The following MSH3 variants were observed in gnomAD, a reference collection of about 807,000 sequenced individuals.
MSH3 encodes mutS homolog 3.
Under a neutral mutation model 123.3 loss-of-function variants are expected in MSH3, and 106 were observed. The ratio of observed to expected loss-of-function variants is 0.86; its 90% CI spans 0.73 to 1.01. The LOEUF (loss-of-function observed/expected upper bound fraction) is 1.01. Ranked by LOEUF, MSH3 falls within the 50% of genes least tolerant of loss-of-function variation. MSH3 has a pLI of 0.00. For missense variants in MSH3, 1,459 were observed against 1,347.6 expected (o/e 1.08, Z -1.29); for synonymous variants, 515 against 481.4 (o/e 1.07, Z -0.91).
chr5:80,763,348 TC>T (rs1487128505), intron 13 of MSH3, among the ~76,000 whole-genome samples: 4 of 152,204 alleles, frequency 2.6e-5, no homozygotes, highest in Admixed American at 2.6e-4. Flanking sequence ...GAAATACTGA[TC>T]CTGGGGAGAA....
chr5:80,859,714 T>G (rs4704685), intron 21 of MSH3, among the ~76,000 whole-genome samples: 1 of 146,120 alleles, frequency 6.8e-6, no homozygotes, highest in South Asian at 2.1e-4. Flanking sequence ...TTTTCTCTCT[T>G]TTTTTTTTTT....
At chr5:80,815,701 A>G (rs1745092590) in intron 20 of MSH3, among the ~76,000 whole-genome samples, 1 of 152,096 alleles carries the variant, frequency 6.6e-6, no homozygotes, top group Admixed American at 6.5e-5. Context: ...TTTTTTTAGG[A>G]CATAGTAGGT....
intron 12 of MSH3, 149 bp downstream of exon 12, chr5:80,744,764 T>C: frequency 2.9e-6 from 2 of 686,364 alleles, no homozygotes; most frequent in Non-Finnish European, 5.2e-6. Flanking sequence ...AGACTGGCTC[T>C]CTAGTATTAC....
At chr5:80,659,442 T>G (rs1323142617) in intron 2 of MSH3, among the ~76,000 whole-genome samples, 3 of 152,174 alleles carry the variant, frequency 2.0e-5, no homozygotes, top group African/African-American at 7.2e-5. Flanking sequence ...ACCACTAATC[T>G]ACTTTCTGTG....
intron 13 of MSH3, among the ~76,000 whole-genome samples, chr5:80,765,185 G>T (rs1467038980): frequency 6.6e-6 from 1 of 152,188 alleles, no homozygotes; most frequent in African/African-American, 2.4e-5. Flanking sequence ...TGCTTCTGTT[G>T]CTGACTTAAC....
chr5:80,681,090 G>T (rs547184892), intron 8 of MSH3, among the ~76,000 whole-genome samples: 1 of 152,140 alleles, frequency 6.6e-6, no homozygotes, highest in Non-Finnish European at 1.5e-5. Flanking sequence ...TAGTCTAGGA[G>T]GGTTCTTTGA....
At chr5:80,688,753 T>A (rs548390438) in intron 8 of MSH3, among the ~76,000 whole-genome samples, 23 of 151,774 alleles carry the variant, frequency 1.5e-4, no homozygotes, top group African/African-American at 5.5e-4. Flanking sequence ...AATTTTTTTT[T>A]TTTTAAAGAA....
intron 10 of MSH3, among the ~76,000 whole-genome samples, chr5:80,738,471 T>C (rs899052903): frequency 2.0e-5 from 3 of 152,104 alleles, no homozygotes; most frequent in African/African-American, 7.2e-5. Context: ...AACCCTGAGA[T>C]AATTGGTAGA....
chr5:80,862,832 G>T (rs965734670), intron 21 of MSH3, among the ~76,000 whole-genome samples: 3 of 152,214 alleles, frequency 2.0e-5, no homozygotes, highest in Non-Finnish European at 4.4e-5. Context: ...GGTGAGTGGG[G>T]AAAAGTGAAA....
chr5:80,764,432 G>GT (rs1326859554), intron 13 of MSH3, among the ~76,000 whole-genome samples: 1 of 151,706 alleles, frequency 6.6e-6, no homozygotes, highest in African/African-American at 2.4e-5. Context: ...CTGGAATGCA[G>GT]TGGTGCGACC....
chr5:80,757,965 G>A (rs546964465), intron 12 of MSH3, among the ~76,000 whole-genome samples: 4 of 152,122 alleles, frequency 2.6e-5, no homozygotes, highest in Non-Finnish European at 5.9e-5. Flanking sequence ...ATACCTAACC[G>A]CAGTGATGAG....
At chr5:80,744,473 AG>A (rs764315383) in intron 11 of MSH3, 32 bp from the exon 12 acceptor site, 268 of 1,442,896 alleles carry the variant, frequency 1.9e-4, no homozygotes, top group Non-Finnish European at 2.5e-4. Flanking sequence ...ATAATTGTCT[AG>A]TTAATAAAAC....
At chr5:80,864,015 C>T (rs1440098465) in intron 21 of MSH3, among the ~76,000 whole-genome samples, 1 of 152,124 alleles carries the variant, frequency 6.6e-6, no homozygotes, top group African/African-American at 2.4e-5. Flanking sequence ...GGATTTTTCT[C>T]ACAAGAGACT....
chr5:80,740,054 G>T (rs999675245), intron 10 of MSH3, among the ~76,000 whole-genome samples: 1 of 152,158 alleles, frequency 6.6e-6, no homozygotes, highest in Non-Finnish European at 1.5e-5. Flanking sequence ...TTAAAAATAA[G>T]CTCTCAAGCC....
Position 80,755,342 on chromosome 5 carries a change from G to A in MSH3, c.1764-6204G>A, listed in dbSNP as rs370117954. On this transcript the variant is annotated intron_variant, in intron 12 of 23. Transcript: ENST00000265081. ...CAGTGAGCTCTAGACCTGCACAAAC[G>A]ACCTGCAGCAAATGGCAGCTTTCAT... is the stretch of plus-strand genomic sequence containing the variant. Among the ~76,000 whole-genome samples, 35 of 152,240 alleles carry A rather than the reference G, an allele frequency of 2.3e-4. No individual in the cohort carries two copies. The South Asian group carries it at 5.4e-3, about 23-fold the overall frequency.
rs115484759 is a variant in MSH3, at chr5:80,771,147, G to T, written c.2253+2144G>T. ...TTGAAAAAAATAATTCTATTCATTG[G>T]AACACCAAAGGAATTCTAAATATTC... On this transcript the variant is annotated intron_variant, in intron 15 of 23. Coordinates refer to ENST00000265081, the MANE Select transcript of MSH3 (RefSeq NM_002439.5). 6.3e-3 allele frequency among the ~76,000 whole-genome samples: 954 copies of T among 151,986 alleles called. 8 individuals carry two copies. The highest frequency in any genetic ancestry group is 0.022 in the African/African-American group (919 of 41,460).
intron 13 of MSH3, among the ~76,000 whole-genome samples, chr5:80,762,043 C>A (rs916950719): frequency 6.6e-6 from 1 of 151,760 alleles, no homozygotes; most frequent in Non-Finnish European, 1.5e-5. Flanking sequence ...CTTAGAACAA[C>A]TTATTGTTTC....
intron 8 of MSH3, among the ~76,000 whole-genome samples, chr5:80,690,453 G>A (rs908893458): frequency 1.3e-5 from 2 of 151,902 alleles, no homozygotes; most frequent in African/African-American, 2.4e-5. Context: ...GATTACAGGC[G>A]CCCGCCACCA....
intron 8 of MSH3, chr5:80,715,187 C>G (rs1215780968): frequency 6.6e-6 from 1 of 152,216 alleles, no homozygotes; most frequent in Non-Finnish European, 1.5e-5. Flanking sequence ...AGTTCTGGAA[C>G]TTGTACTCAT....
Sources: allele counts gnomAD v4.1 joint callset (sites outside exome capture counted in the v4.1 genomes callset), GRCh38; gene constraint gnomAD v4.1.1; transcripts MANE v1.5; gene names NCBI Gene and HGNC (gene_info 2026-07-23, HGNC 2026-07-21).